Variants in TAOK3 observed in about 807,000 individuals in gnomAD.
TAOK3 encodes TAO kinase 3.
A neutral mutation model predicts 120.4 loss-of-function variants in TAOK3; 40 were observed. The observed-to-expected ratio is 0.33, with a 90% CI of 0.26 to 0.43. The LOEUF (loss-of-function observed/expected upper bound fraction) is 0.43. TAOK3 is among the 20% of genes least tolerant of loss of function. The pLI is 1.00. For synonymous variants in TAOK3, 355 were observed against 387.5 expected (o/e 0.92, Z 0.99); for missense variants, 821 against 1,112.1 (o/e 0.74, Z 3.72).
At chr12:118,246,171 G>A (rs1174100504) in intron 3 of TAOK3, 4 of 1,420,648 alleles carry the variant, frequency 2.8e-6, no homozygotes, top group South Asian at 1.2e-5. Context: ...CGGAGGTTTC[G>A]GCAGTGGCAT....
At chr12:118,208,072 T>C (rs1162881786) in intron 11 of TAOK3, among the ~76,000 whole-genome samples, 2 of 152,176 alleles carry the variant, frequency 1.3e-5, no homozygotes, top group Admixed American at 6.6e-5. Flanking sequence ...TCCATCTACT[T>C]GGAAAGATAA....
At chr12:118,172,948 T>C (rs914933472) in intron 16 of TAOK3, among the ~76,000 whole-genome samples, 2 of 152,188 alleles carry the variant, frequency 1.3e-5, no homozygotes, top group Non-Finnish European at 2.9e-5. Context: ...TGACAGGCAG[T>C]GTGCAAGATA....
chr12:118,270,688 T>C (rs1441140344), intron 1 of TAOK3, among the ~76,000 whole-genome samples: 1 of 150,694 alleles, frequency 6.6e-6, no homozygotes, highest in Non-Finnish European at 1.5e-5. Context: ...TTTTTTTTTT[T>C]TTTGAGACAA....
chr12:118,249,383 G>C lies in TAOK3; in HGVS notation c.121-4418C>G, dbSNP rs959078382. On this transcript the variant is annotated intron_variant, in intron 3 of 20. Transcript: ENST00000392533. ...TTGAGACCAGTCTGGCCAACATGGT[G>C]AAAGCCTGTCTCTACTAAAAATATG... Among the ~76,000 whole-genome samples the C allele has an allele frequency of 2.0e-4, 30 of 152,004 alleles. 1 individual carries two copies. Among genetic ancestry groups the C allele is most frequent in the African/African-American group, 7.2e-4 (30 of 41,380 alleles).
rs35109102 is a variant in TAOK3 at position 118,280,064 on chromosome 12, C to CT, written c.-193-13306dup. 9.4e-3 allele frequency among the ~76,000 whole-genome samples: 1,255 copies of CT among 133,930 alleles called. 15 individuals carry two copies. Among genetic ancestry groups the CT allele is most frequent in the African/African-American group, 0.031 (1,108 of 36,092 alleles). 87.9% of individuals were successfully genotyped at this position (133,930 alleles called of 152,430 possible). A position where few individuals can be genotyped will look rare whatever the true frequency, so the allele number is the denominator to read the frequency against. On this transcript the variant is annotated intron_variant, in intron 1 of 20. Transcript: ENST00000392533. ...ACAGGCGTGAGCCACCGCGCCCCAC[C>CT]TTTTTTTTTTTTTTTTTAGATGGAG...
intron 1 of TAOK3, among the ~76,000 whole-genome samples, chr12:118,355,759 G>A (rs1268070518): frequency 6.6e-6 from 1 of 152,138 alleles, no homozygotes; most frequent in Non-Finnish European, 1.5e-5. Context: ...AACTATTCTT[G>A]CACACTGAGC....
In TAOK3 at chr12:118,243,522, G is replaced by C. The variant is rs2040345556; in HGVS notation, c.193-6C>G. 5.3e-6 allele frequency: 7 copies of C among 1,320,692 alleles called. No individual in the cohort carries two copies. The highest frequency in any genetic ancestry group is 6.2e-6 in the Non-Finnish European group (6 of 966,412). 81.8% of individuals were successfully genotyped at this position (1,320,692 alleles called of 1,614,324 possible). ...TTAAGAATATCTTGCCATTTCTATT[G>C]AAGTCAGAAAAGGAACATTTTAATT... is the stretch of plus-strand genomic sequence containing the variant. On this transcript the variant is annotated splice_region_variant and splice_polypyrimidine_tract_variant and intron_variant, in intron 4 of 20. Coordinates refer to ENST00000392533, the MANE Select transcript of TAOK3 (RefSeq NM_016281.4).
At chr12:118,258,933 T>C (rs1389134639) in intron 2 of TAOK3, among the ~76,000 whole-genome samples, 1 of 152,138 alleles carries the variant, frequency 6.6e-6, no homozygotes, top group East Asian at 1.9e-4. Flanking sequence ...AACTTTAGAA[T>C]ATTTTGGCTT....
chr12:118,215,982 C>T (rs1165001638), intron 9 of TAOK3, among the ~76,000 whole-genome samples: 6 of 152,038 alleles, frequency 3.9e-5, no homozygotes, highest in Admixed American at 3.9e-4. Flanking sequence ...GGCAGATCAC[C>T]TGAGGCCAGG....
intron 1 of TAOK3, among the ~76,000 whole-genome samples, chr12:118,327,057 C>G (rs2043963554): frequency 6.6e-6 from 1 of 152,150 alleles, no homozygotes; most frequent in South Asian, 2.1e-4. Flanking sequence ...ATGATTATTG[C>G]AAAACATCTC....
chr12:118,199,873 G>A (rs2037935549), intron 12 of TAOK3: 1 of 152,570 alleles, frequency 6.6e-6, no homozygotes, highest in Admixed American at 6.5e-5. Context: ...AATAATACTG[G>A]TATTCATCAT....
intron 14 of TAOK3, among the ~76,000 whole-genome samples, chr12:118,188,577 C>T (rs972604366): frequency 9.9e-5 from 15 of 152,246 alleles, no homozygotes; most frequent in East Asian, 3.9e-4. Flanking sequence ...GCAATATGTA[C>T]GTGCTTTAAC....
intron 9 of TAOK3, 70 bp downstream of exon 9, chr12:118,233,604 A>G (rs2039883592): frequency 2.5e-6 from 3 of 1,192,954 alleles, no homozygotes; most frequent in African/African-American, 3.0e-5. Context: ...ATTCTTAAAA[A>G]TACAATGAAA....
chr12:118,338,786 C>CAAAAAAAAAAAAAA (rs71069438), intron 1 of TAOK3, among the ~76,000 whole-genome samples: 1 of 49,840 alleles, frequency 2.0e-5, no homozygotes, highest in Non-Finnish European at 3.9e-5. Flanking sequence ...GACTCCGTCT[C>CAAAAAAAAAAAAAA]AAAAAAAAAA....
At chr12:118,221,914 G>A (rs924600721) in intron 9 of TAOK3, among the ~76,000 whole-genome samples, 1 of 152,032 alleles carries the variant, frequency 6.6e-6, no homozygotes, top group Non-Finnish European at 1.5e-5. Context: ...GATTACAGGC[G>A]TGAGCCACTG....
chr12:118,195,183 A>G (rs2037652168), intron 13 of TAOK3, among the ~76,000 whole-genome samples: 1 of 152,232 alleles, frequency 6.6e-6, no homozygotes, highest in Non-Finnish European at 1.5e-5. Flanking sequence ...CTGGCGTTCA[A>G]TAAGCATACC....
intron 11 of TAOK3, among the ~76,000 whole-genome samples, chr12:118,207,308 A>C (rs1361025836): frequency 1.3e-5 from 2 of 151,500 alleles, no homozygotes; most frequent in East Asian, 3.9e-4. Context: ...CATGGGCAAC[A>C]AGAGCGAAAC....
intron 17 of TAOK3, among the ~76,000 whole-genome samples, chr12:118,170,164 T>C (rs1172457734): frequency 7.4e-6 from 1 of 134,572 alleles, no homozygotes; most frequent in Admixed American, 8.0e-5. Flanking sequence ...ATCCTGTGTT[T>C]CTCAAGCAGT....
chr12:118,175,259 T>A (rs1381330988), intron 16 of TAOK3, among the ~76,000 whole-genome samples: 1 of 152,142 alleles, frequency 6.6e-6, no homozygotes, highest in Middle Eastern at 3.2e-3. Flanking sequence ...CCAACCCCCT[T>A]GGTTTCACTT....
Sources: allele counts gnomAD v4.1 joint callset (sites outside exome capture counted in the v4.1 genomes callset), GRCh38; gene constraint gnomAD v4.1.1; transcripts MANE v1.5; gene names NCBI Gene and HGNC (gene_info 2026-07-23, HGNC 2026-07-21).